Variants in AZIN2 observed in about 807,000 individuals in gnomAD.
The protein encoded by AZIN2 is ODC antizyme inhibitor-2.
In AZIN2, 28 loss-of-function variants were observed where a neutral mutation model predicts 47.8. The observed-to-expected ratio is 0.59, with a 90% CI of 0.43 to 0.80. AZIN2 has a LOEUF of 0.80. Among genes scored for constraint, AZIN2 ranks in the 30% least tolerant of loss-of-function variants. AZIN2 has a pLI of 0.00. For missense variants in AZIN2, 535 were observed against 582.5 expected (o/e 0.92, Z 0.84); for synonymous variants, 221 against 239.4 (o/e 0.92, Z 0.71).
chr1:33,094,811 G>T, intron 8 of AZIN2, 98 bp downstream of exon 8: 2 of 1,316,350 alleles, frequency 1.5e-6, no homozygotes, highest in Non-Finnish European at 2.1e-6. Context: ...TGGGTCCTAT[G>T]CACTGCATGC....
the AZIN2 span, among the ~76,000 whole-genome samples, chr1:33,134,548 C>A: frequency 1.3e-5 from 2 of 152,116 alleles, no homozygotes; most frequent in African/African-American, 4.8e-5. Context: ...AGAGCTAGGA[C>A]CACCAGAGAC....
At chr1:33,134,088 C>T in the AZIN2 span, among the ~76,000 whole-genome samples, 1 of 152,242 alleles carries the variant, frequency 6.6e-6, no homozygotes, top group East Asian at 1.9e-4. Flanking sequence ...GTTGCCAGGC[C>T]TTCATGCTAT....
chr1:33,083,301 C>T (rs1237378868), intron 4 of AZIN2: 2 of 155,200 alleles, frequency 1.3e-5, no homozygotes, highest in African/African-American at 4.8e-5. Context: ...GGAAGCAACT[C>T]TGGAAGGGTC....
At chr1:33,099,235 C>T (rs1643461380) in intron 10 of AZIN2, among the ~76,000 whole-genome samples, 1 of 152,136 alleles carries the variant, frequency 6.6e-6, no homozygotes, top group African/African-American at 2.4e-5. Context: ...CTTTGTGGCT[C>T]TTCCTGCCCC....
At chr1:33,108,401 G>A (rs924386136) in intron 10 of AZIN2, among the ~76,000 whole-genome samples, 7 of 150,098 alleles carry the variant, frequency 4.7e-5, no homozygotes, top group African/African-American at 1.7e-4. Flanking sequence ...GGAGTGCAGT[G>A]GTGTGATCTT....
At chr1:33,147,828 G>T in the AZIN2 span, 2 of 1,361,660 alleles carry the variant, frequency 1.5e-6, no homozygotes, top group Non-Finnish European at 2.0e-6. This position sits in a 1 kb window ranked among gnomAD's most constrained non-coding sequence, Gnocchi z 8.1. Context: ...GTACGCAGGA[G>T]GCCTCTGACC....
chr1:33,084,167 A>G, intron 5 of AZIN2, 40 bp downstream of exon 5: 1 of 1,599,348 alleles, frequency 6.3e-7, no homozygotes, highest in South Asian at 1.1e-5. Context: ...CTCCATGCCC[A>G]CTGAACACAC....
the AZIN2 span, among the ~76,000 whole-genome samples, chr1:33,137,075 C>A: frequency 6.6e-6 from 1 of 151,886 alleles, no homozygotes; most frequent in Non-Finnish European, 1.5e-5. Context: ...AGACACAGAG[C>A]CTGGGTTCAC....
chr1:33,104,992 A>AT (rs1376357271), intron 10 of AZIN2, among the ~76,000 whole-genome samples: 1 of 152,014 alleles, frequency 6.6e-6, no homozygotes, highest in Non-Finnish European at 1.5e-5. Flanking sequence ...TGACCTGATA[A>AT]TTTTTTTTAA....
At chr1:33,136,655 C>A in the AZIN2 span, among the ~76,000 whole-genome samples, 1 of 151,574 alleles carries the variant, frequency 6.6e-6, no homozygotes, top group African/African-American at 2.4e-5. Flanking sequence ...CAGGCCTGAG[C>A]CACTGCGCCT....
At chr1:33,138,643 AAAG>A in the AZIN2 span, among the ~76,000 whole-genome samples, 1 of 151,212 alleles carries the variant, frequency 6.6e-6, no homozygotes, top group Non-Finnish European at 1.5e-5. Context: ...AAAAAAAAAA[AAAG>A]AAAAGGAAAG....
At position 33,094,622 on chromosome 1, in the gene AZIN2, A is replaced by T. The variant is rs1642940912; in HGVS notation, c.662A>T (p.Glu221Val). The T allele has an allele frequency of 6.2e-6, 10 of 1,614,052 alleles. No homozygotes were observed. Among genetic ancestry groups the T allele is most frequent in the Non-Finnish European group, 8.5e-6 (10 of 1,180,030 alleles). The change falls in exon 8 of 12, where the codon GAA (glutamate) becomes GTA (valine). Residue 221 changes from glutamate (E) to valine (V), a missense_variant. Glu to Val is a moderately radical substitution (Grantham distance 121). This residue lies in a region of AZIN2 where 409 missense variants were observed against 429.0 expected (regional missense o/e 0.95). Coordinates refer to ENST00000294517, the MANE Select transcript of AZIN2 (RefSeq NM_052998.4). ...ATCGCAGACGCCCGGCTCGTGTTTG[A>T]AATGGGCACCGAGCTGGGTCACAAG... ...QSIADARLVF[E>V]MGTELGHKMH...
chr1:33,134,926 G>C, the AZIN2 span, among the ~76,000 whole-genome samples: 1 of 152,128 alleles, frequency 6.6e-6, no homozygotes, highest in Non-Finnish European at 1.5e-5. Context: ...TTTCCCGCTG[G>C]GTTCCCTCCC....
chr1:33,155,996 C>T, the AZIN2 span, among the ~76,000 whole-genome samples: 1 of 152,202 alleles, frequency 6.6e-6, no homozygotes, highest in Non-Finnish European at 1.5e-5. Flanking sequence ...AAGAGAATCC[C>T]CCAAGCGCCC....
At chr1:33,086,525 G>A (rs1432431153) in intron 5 of AZIN2, among the ~76,000 whole-genome samples, 15 of 152,322 alleles carry the variant, frequency 9.8e-5, no homozygotes, top group African/African-American at 3.6e-4. Flanking sequence ...TTCTTGGAAG[G>A]CCAAGGCTGC....
chr1:33,105,887 C>G (rs1013373575), intron 10 of AZIN2, among the ~76,000 whole-genome samples: 1 of 152,164 alleles, frequency 6.6e-6, no homozygotes, highest in African/African-American at 2.4e-5. Flanking sequence ...ACAGTTACCC[C>G]AGTCCATGAA....
At chr1:33,150,156 C>T in the AZIN2 span, among the ~76,000 whole-genome samples, 38 of 152,350 alleles carry the variant, frequency 2.5e-4, 1 homozygote, top group African/African-American at 8.4e-4. Flanking sequence ...TGACCATTTC[C>T]AGGCAACAGC....
chr1:33,157,092 C>G, the AZIN2 span, among the ~76,000 whole-genome samples: 3 of 151,942 alleles, frequency 2.0e-5, no homozygotes, highest in Admixed American at 2.0e-4. Context: ...TAAACCAGTT[C>G]ACGTCACTTC....
At chr1:33,160,748 G>C in the AZIN2 span, among the ~76,000 whole-genome samples, 1 of 152,100 alleles carries the variant, frequency 6.6e-6, no homozygotes, top group East Asian at 1.9e-4. Flanking sequence ...CTCATTCAGG[G>C]GGCTCAAGGA....
Sources: allele counts gnomAD v4.1 joint callset (sites outside exome capture counted in the v4.1 genomes callset), GRCh38; gene constraint gnomAD v4.1.1; regional missense constraint gnomAD v4.1.1; non-coding constraint Gnocchi (gnomAD v3.1); transcripts MANE v1.5; gene names NCBI Gene and HGNC (gene_info 2026-07-23, HGNC 2026-07-21).